Variants in DHX57 observed in about 807,000 individuals in gnomAD.
DHX57 encodes the protein putative ATP-dependent RNA helicase DHX57.
Under a neutral mutation model 156.2 loss-of-function variants are expected in DHX57, and 105 were observed. The observed-to-expected ratio is 0.67, with a 90% confidence interval of 0.57 to 0.79. DHX57 has a LOEUF of 0.79. DHX57 is among the 30% of genes least tolerant of loss of function. DHX57 has a pLI of 0.00. For missense variants in DHX57, 1,847 were observed against 1,661.9 expected (o/e 1.11, Z -1.94); for synonymous variants, 704 against 595.6 (o/e 1.18, Z -2.65).
At chr2:38,833,885 T>C (rs1304400864) in intron 13 of DHX57, among the ~76,000 whole-genome samples, 1 of 152,178 alleles carries the variant, frequency 6.6e-6, no homozygotes, top group African/African-American at 2.4e-5. Flanking sequence ...ATAAGACATA[T>C]ATAGATACTA....
intron 1 of DHX57, among the ~76,000 whole-genome samples, chr2:38,869,254 G>C (rs926989221): frequency 1.3e-5 from 2 of 152,232 alleles, no homozygotes; most frequent in African/African-American, 4.8e-5. Context: ...AAGACAGATA[G>C]CTCCTAATCT....
intron 6 of DHX57, 200 bp from the exon 7 acceptor site, chr2:38,856,661 A>T: frequency 1.9e-6 from 1 of 525,876 alleles, no homozygotes; most frequent in Non-Finnish European, 3.0e-6. Context: ...GTGCCACTAT[A>T]CCCGGCTTTT....
chr2:38,806,827 CTTATT>C (rs1057415743), intron 21 of DHX57, 134 bp from the exon 22 acceptor site: 14 of 841,762 alleles, frequency 1.7e-5, no homozygotes, highest in African/African-American at 1.6e-4. Context: ...CCCTTTCTTT[CTTATT>C]TTGTTTCCTT....
In DHX57 at chr2:38,861,131, T is replaced by C. The variant is rs1310072891; in HGVS notation, c.1279A>G (p.Asn427Asp). ...EESEIVKLLT[N>D]THHKYSDPPV... Reference sequence around the variant, plus strand: ...GGGTCACTATACTTGTGGTGGGTATTCGTTAGTAACTTGACTATTTCCGAC... The same window carrying C: ...GGGTCACTATACTTGTGGTGGGTATCCGTTAGTAACTTGACTATTTCCGAC... The change falls in exon 5 of 24, where the codon AAT becomes GAT. Residue 427 changes from asparagine to aspartate, a missense_variant. Transcript: ENST00000457308. The C allele has an allele frequency of 6.2e-7, 1 of 1,614,110 alleles. No homozygotes were observed. The highest frequency in any genetic ancestry group is 1.3e-5 in the African/African-American group (1 of 74,948).
intron 13 of DHX57, among the ~76,000 whole-genome samples, chr2:38,829,322 C>T (rs1389542676): frequency 6.8e-6 from 1 of 148,128 alleles, no homozygotes; most frequent in Non-Finnish European, 1.5e-5. Context: ...TGCTCTGTTG[C>T]CCAGGCTGAA....
rs1386295581 is a variant in DHX57, at chr2:38,821,607, C to T, written c.3291+1386G>A. 3.3e-5 allele frequency among the ~76,000 whole-genome samples: 5 copies of T among 152,140 alleles called. 1 individual carries two copies. The highest frequency in any genetic ancestry group is 2.0e-4 in the Admixed American group (3 of 15,254). On this transcript the variant is annotated intron_variant, in intron 17 of 23. Coordinates refer to ENST00000457308, the MANE Select transcript of DHX57 (RefSeq NM_198963.3). ...ACTCGGGAGGCTGAGGCAGGAGAATCGCTTGAACCTGGAAGTCGGAGGTTG... is the reference window on the plus strand; with the variant it reads ...ACTCGGGAGGCTGAGGCAGGAGAATTGCTTGAACCTGGAAGTCGGAGGTTG...
chr2:38,838,021 T>C, intron 12 of DHX57, 74 bp from the exon 13 acceptor site: 1 of 932,204 alleles, frequency 1.1e-6, no homozygotes, highest in East Asian at 2.4e-5. Context: ...ATTTATACCA[T>C]ATACAATATG....
At chr2:38,873,825 A>G (rs1380989825) in intron 1 of DHX57, among the ~76,000 whole-genome samples, 1 of 152,172 alleles carries the variant, frequency 6.6e-6, no homozygotes, top group Non-Finnish European at 1.5e-5. Context: ...CTATCAAGGA[A>G]AAAAAACCCC....
rs766720394 is a variant in DHX57, at chr2:38,819,120, C to G, written c.3316G>C (p.Glu1106Gln). 2 of 1,613,964 alleles carry G rather than the reference C, an allele frequency of 1.2e-6. No homozygotes were observed. The highest frequency in any genetic ancestry group is 1.7e-6 in the Non-Finnish European group (2 of 1,180,000). Reference protein sequence around the residue: ...PFVSPWDKKEEANQKKLEFAF... With the variant: ...PFVSPWDKKEQANQKKLEFAF... Reference sequence around the variant, plus strand: ...AATTCCAGCTTTTTCTGGTTAGCTTCTTCTTTTTTATCCCAGGGAGATACC... The same window carrying G: ...AATTCCAGCTTTTTCTGGTTAGCTTGTTCTTTTTTATCCCAGGGAGATACC... The change falls in exon 18 of 24, where the codon GAA becomes CAA. Residue 1106 changes from glutamate to glutamine, a missense_variant. Glu to Gln is a conservative substitution (Grantham distance 29). Transcript: ENST00000457308.
Position 38,802,856 on chromosome 2 carries a change from T to C in DHX57, c.3876A>G (p.Val1292=), listed in dbSNP as rs1669755783. ...LYHEKIKTSR[V]FIRDCSMVSV... ...ACACCATGCTGCAGTCTCGGATGAATACTCGACTAGTTTTTATCTTCTCGT... is the reference window on the plus strand; with the variant it reads ...ACACCATGCTGCAGTCTCGGATGAACACTCGACTAGTTTTTATCTTCTCGT... The change falls in exon 23 of 24, where the codon GTA becomes GTG. Residue 1292 remains valine (V), a synonymous_variant. Transcript: ENST00000457308. 6 of 1,614,132 alleles carry C rather than the reference T, an allele frequency of 3.7e-6. No homozygotes were observed. The highest frequency in any genetic ancestry group is 5.1e-6 in the Non-Finnish European group (6 of 1,180,024).
chr2:38,814,006 C>T, intron 20 of DHX57, 111 bp from the exon 21 acceptor site: 1 of 1,165,084 alleles, frequency 8.6e-7, no homozygotes, highest in Admixed American at 2.0e-5. Flanking sequence ...GGCGCCATCT[C>T]AGCTTACTGC....
At chr2:38,862,525 T>G in intron 3 of DHX57, 192 bp from the exon 4 acceptor site, 1 of 487,392 alleles carries the variant, frequency 2.1e-6, no homozygotes, top group Non-Finnish European at 3.4e-6. Flanking sequence ...TACCAGTTAC[T>G]GTGTTAAGTG....
intron 21 of DHX57, among the ~76,000 whole-genome samples, chr2:38,808,808 G>A (rs186703817): frequency 6.6e-6 from 1 of 152,074 alleles, no homozygotes; most frequent in Admixed American, 6.6e-5. Flanking sequence ...ATTTTTGGTA[G>A]AGATGGGGTC....
At chr2:38,815,681 G>A (rs1022652228) in intron 19 of DHX57, 26 bp from the exon 20 acceptor site, 8 of 1,613,928 alleles carry the variant, frequency 5.0e-6, no homozygotes, top group Non-Finnish European at 6.8e-6. Flanking sequence ...AAACCTTTAA[G>A]CAAGGGCATC....
At chr2:38,866,273 T>C (rs2124942999) in intron 2 of DHX57, among the ~76,000 whole-genome samples, 1 of 152,292 alleles carries the variant, frequency 6.6e-6, no homozygotes, top group East Asian at 1.9e-4. Flanking sequence ...TCTGATCTAA[T>C]TGCCTACCAC....
At chr2:38,819,609 T>C (rs987696693) in intron 17 of DHX57, among the ~76,000 whole-genome samples, 3 of 152,216 alleles carry the variant, frequency 2.0e-5, no homozygotes, top group African/African-American at 7.2e-5. Context: ...TGACGGTAAA[T>C]GGCAAGCTCA....
chr2:38,806,428 T>A, intron 22 of DHX57, 131 bp downstream of exon 22: 1 of 1,017,842 alleles, frequency 9.8e-7, no homozygotes, highest in Non-Finnish European at 1.4e-6. Context: ...TTTATTCTTA[T>A]TCAATCTTCC....
intron 19 of DHX57, among the ~76,000 whole-genome samples, chr2:38,818,560 G>A (rs1388888348): frequency 6.6e-6 from 1 of 151,882 alleles, no homozygotes; most frequent in Non-Finnish European, 1.5e-5. Flanking sequence ...ACAAACAAAT[G>A]AAAAAGAATC....
chr2:38,808,621 G>A (rs1438444741), intron 21 of DHX57, among the ~76,000 whole-genome samples: 1 of 152,004 alleles, frequency 6.6e-6, no homozygotes. Flanking sequence ...GTGTATATAT[G>A]CAATTGTTTC....
Sources: gnomAD v4.1 joint callset for allele counts (sites outside exome capture counted in the v4.1 genomes callset) on GRCh38, gnomAD v4.1.1 for gene constraint, MANE v1.5 for transcripts, NCBI Gene and HGNC (gene_info 2026-07-23, HGNC 2026-07-21) for gene names.